PAM: variants seen among roughly 807,000 people sequenced by gnomAD.
PAM encodes peptidylglycine alpha-amidating monooxygenase, also known as peptidyl-glycine alpha-amidating monooxygenase.
In PAM, 72 loss-of-function variants were observed where a neutral mutation model predicts 122.1. The observed-to-expected ratio is 0.59, with a 90% CI of 0.49 to 0.72. The LOEUF (loss-of-function observed/expected upper bound fraction) is 0.72. PAM is among the 30% of genes least tolerant of loss of function. The pLI is 0.00. For synonymous variants in PAM, 389 were observed against 404.4 expected, an observed-to-expected ratio of 0.96 and a Z score of 0.46; for missense variants, 1,106 against 1,183.7, an observed-to-expected ratio of 0.93 and a Z score of 0.96.
At chr5:102,842,189 A>G (rs1241062744) in intron 1 of PAM, among the ~76,000 whole-genome samples, 1 of 148,626 alleles carries the variant, frequency 6.7e-6, no homozygotes, top group Non-Finnish European at 1.5e-5. Flanking sequence ...ATTTAACTTT[A>G]CAAAAATACA....
chr5:102,823,075 A>G (rs1387820348), intron 1 of PAM, among the ~76,000 whole-genome samples: 1 of 152,194 alleles, frequency 6.6e-6, no homozygotes, highest in Non-Finnish European at 1.5e-5. Context: ...AAGCTGAGCT[A>G]GGTATTGAGT....
rs569694619 is a variant in PAM, at chr5:103,019,985, C to G, written c.2485+142C>G. ...TCAGTGACTTCTGCTATGTACTGAG[C>G]CTTTAAACCTGTATGTTGCCACTTC... On this transcript the variant is annotated intron_variant, in intron 23 of 25. Transcript: ENST00000438793. The G allele has an allele frequency of 3.8e-5, 25 of 661,598 alleles. No individual in the cohort carries two copies. The African/African-American group carries it at 4.4e-4, about 12-fold the overall frequency. 41.0% of individuals were successfully genotyped at this position (661,598 alleles called of 1,614,324 possible). A position where few individuals can be genotyped will look rare whatever the true frequency, so the allele number is the denominator to read the frequency against.
intron 3 of PAM, among the ~76,000 whole-genome samples, chr5:102,878,678 AG>A (rs1393003448): frequency 1.3e-5 from 2 of 152,066 alleles, no homozygotes; most frequent in Non-Finnish European, 2.9e-5. Context: ...TGACCTGTGC[AG>A]GCCTAGGCTA....
chr5:102,988,796 C>T (rs1246006985), intron 15 of PAM, among the ~76,000 whole-genome samples: 1 of 151,930 alleles, frequency 6.6e-6, no homozygotes, highest in Non-Finnish European at 1.5e-5. Flanking sequence ...TCCTATTGTG[C>T]TATGTTTTGT....
intron 20 of PAM, 54 bp from the exon 21 acceptor site, chr5:103,009,697 A>G: frequency 1.1e-6 from 1 of 917,670 alleles, no homozygotes; most frequent in Admixed American, 1.7e-5. Flanking sequence ...GATATATTAG[A>G]AGTCCATTCT....
chr5:102,978,402 GA>G, intron 15 of PAM, among the ~76,000 whole-genome samples: 1 of 152,266 alleles, frequency 6.6e-6, no homozygotes, highest in South Asian at 2.1e-4. Flanking sequence ...TAATAGTTTA[GA>G]TAGAGATAGC....
At chr5:103,015,256 CTTAATA>C (rs1490872555) in intron 21 of PAM, among the ~76,000 whole-genome samples, 1 of 152,124 alleles carries the variant, frequency 6.6e-6, no homozygotes, top group African/African-American at 2.4e-5. Flanking sequence ...AACTGTTTTA[CTTAATA>C]TTAAGTACAT....
intron 7 of PAM, among the ~76,000 whole-genome samples, chr5:102,943,655 G>A (rs1457706807): frequency 6.6e-6 from 1 of 152,056 alleles, no homozygotes; most frequent in Non-Finnish European, 1.5e-5. Flanking sequence ...ATTACTTTAA[G>A]AGGCAACACA....
At chr5:102,971,278 A>G (rs1042707549) in intron 14 of PAM, among the ~76,000 whole-genome samples, 2 of 152,214 alleles carry the variant, frequency 1.3e-5, no homozygotes, top group Admixed American at 6.5e-5. Flanking sequence ...ACTTTATGAT[A>G]TGTACTGGAC....
chr5:102,825,733 G>T (rs951017029), intron 1 of PAM, among the ~76,000 whole-genome samples: 24 of 152,150 alleles, frequency 1.6e-4, no homozygotes, highest in East Asian at 1.2e-3. Context: ...CTCTAGTCTA[G>T]CTACTTGGGA....
intron 16 of PAM, among the ~76,000 whole-genome samples, chr5:103,000,305 C>T (rs116762036): frequency 7.2e-4 from 110 of 152,300 alleles, no homozygotes; most frequent in African/African-American, 2.6e-3. Context: ...TATTCCAGTT[C>T]CTAGCAAGCT....
At chr5:102,988,626 A>AG (rs778200939) in intron 15 of PAM, among the ~76,000 whole-genome samples, 1 of 140,504 alleles carries the variant, frequency 7.1e-6, no homozygotes, top group African/African-American at 3.1e-5. Context: ...AGGAAAGGAA[A>AG]GGGAAAAAAA....
At chr5:102,911,266 G>C (rs899412960) in intron 4 of PAM, among the ~76,000 whole-genome samples, 1 of 152,016 alleles carries the variant, frequency 6.6e-6, no homozygotes, top group Middle Eastern at 3.4e-3. Context: ...TGTTTTTGCT[G>C]TGTACTTCTA....
At position 102,967,597 on chromosome 5, in the gene PAM, A is replaced by G. The variant is rs191705461; in HGVS notation, c.1162+6368A>G. 9.2e-5 allele frequency among the ~76,000 whole-genome samples: 14 copies of G among 152,242 alleles called. No individual in the cohort carries two copies. In the East Asian group the frequency reaches 2.3e-3, roughly 25 times the overall value. ...CTTTTTTATATAAAACTATAGTTCT[A>G]TCTTGTAATTTCTCCCTTCCCAGAG... is the stretch of plus-strand genomic sequence containing the variant. On this transcript the variant is annotated intron_variant, in intron 14 of 25. Transcript: ENST00000438793.
Position 102,959,839 on chromosome 5 carries a change from A to C in PAM, c.906-36A>C, listed in dbSNP as rs771193235. ...TTGCATTAAGCATGTGTTTTATGTG[A>C]ATAGTTGATTTGTTATATCTTTTTT... On this transcript the variant is annotated intron_variant, in intron 12 of 25. Coordinates refer to ENST00000438793, the MANE Select transcript of PAM (RefSeq NM_001177306.2). 4.8e-6 allele frequency: 7 copies of C among 1,471,366 alleles called. No homozygotes were observed. In the Admixed American group the frequency reaches 1.2e-4, roughly 25 times the overall value. 91.1% of individuals were successfully genotyped at this position (1,471,366 alleles called of 1,614,324 possible).
intron 5 of PAM, among the ~76,000 whole-genome samples, chr5:102,917,144 T>G (rs1581674097): frequency 6.6e-6 from 1 of 152,278 alleles, no homozygotes. Flanking sequence ...CAGCCAGAAC[T>G]TTCAGTTGCT....
At chr5:102,812,648 C>A (rs965397052) in intron 1 of PAM, among the ~76,000 whole-genome samples, 10 of 151,954 alleles carry the variant, frequency 6.6e-5, no homozygotes. Flanking sequence ...CTTTTTCATA[C>A]CACAGTGTAC....
chr5:102,846,521 A>C (rs921468952), intron 1 of PAM, among the ~76,000 whole-genome samples: 1 of 152,138 alleles, frequency 6.6e-6, no homozygotes, highest in African/African-American at 2.4e-5. Context: ...GTTAGCTCAG[A>C]TACAGCTTCC....
intron 1 of PAM, among the ~76,000 whole-genome samples, chr5:102,854,316 A>G (rs1434659554): frequency 1.3e-5 from 2 of 152,262 alleles, no homozygotes; most frequent in East Asian, 3.9e-4. Flanking sequence ...TTAAAAAGGG[A>G]TTTTTATATT....
Sources: allele counts gnomAD v4.1 joint callset (sites outside exome capture counted in the v4.1 genomes callset), GRCh38; gene constraint gnomAD v4.1.1; transcripts MANE v1.5; gene names NCBI Gene and HGNC (gene_info 2026-07-23, HGNC 2026-07-21).